The following GPHN variants were observed in gnomAD, a reference collection of about 807,000 sequenced individuals.
GPHN encodes the protein gephyrin.
In GPHN, 17 loss-of-function variants were observed where a neutral mutation model predicts 95.5. The ratio of observed to expected loss-of-function variants is 0.18; its 90% CI spans 0.12 to 0.27. The LOEUF (loss-of-function observed/expected upper bound fraction) is 0.27, where lower values mean the gene tolerates loss of function less well. Ranked by LOEUF, GPHN falls within the 10% of genes least tolerant of loss-of-function variation. GPHN has a pLI of 1.00. For missense variants in GPHN, 660 were observed against 978.1 expected, an observed-to-expected ratio of 0.67 and a Z score of 4.34; for synonymous variants, 320 against 322.5, an observed-to-expected ratio of 0.99 and a Z score of 0.08.
the GPHN span, among the ~76,000 whole-genome samples, chr14:67,275,367 A>G: frequency 6.6e-6 from 1 of 152,154 alleles, no homozygotes; most frequent in Non-Finnish European, 1.5e-5. Context: ...TTCTGCATCT[A>G]TTGAGATAAT....
intron 1 of GPHN, among the ~76,000 whole-genome samples, chr14:66,676,672 ATTT>A (rs56906168): frequency 3.2e-5 from 4 of 126,054 alleles, no homozygotes; most frequent in African/African-American, 6.0e-5. Context: ...ATCGTAGTGT[ATTT>A]TTTTTTTTTT....
intron 1 of GPHN, among the ~76,000 whole-genome samples, chr14:66,559,125 A>T (rs914697320): frequency 1.3e-5 from 2 of 152,112 alleles, no homozygotes; most frequent in Admixed American, 1.3e-4. Context: ...CATTTTCTTA[A>T]TTCAGTCTAT....
intron 2 of GPHN, among the ~76,000 whole-genome samples, chr14:66,699,483 G>A (rs1595597124): frequency 6.6e-6 from 1 of 152,074 alleles, no homozygotes; most frequent in Non-Finnish European, 1.5e-5. Context: ...ATAGTGACTC[G>A]ATGTTGATAA....
chr14:66,742,207 T>G (rs2072852754), intron 2 of GPHN, among the ~76,000 whole-genome samples: 1 of 152,200 alleles, frequency 6.6e-6, no homozygotes, highest in South Asian at 2.1e-4. Context: ...TGAGTCTCAT[T>G]GTTTACAGTT....
chr14:66,660,566 A>G (rs1452474949), intron 1 of GPHN, among the ~76,000 whole-genome samples: 1 of 151,838 alleles, frequency 6.6e-6, no homozygotes, highest in African/African-American at 2.4e-5. Flanking sequence ...TCTGAAGAGT[A>G]TTTTTACTGG....
chr14:67,562,778 C>T, the GPHN span: 2 of 1,613,740 alleles, frequency 1.2e-6, no homozygotes, highest in Non-Finnish European at 8.5e-7. Context: ...GGAGGAGCCA[C>T]CCCCAGCAGG....
intron 10 of GPHN, among the ~76,000 whole-genome samples, chr14:67,028,150 A>G (rs2074018265): frequency 6.6e-6 from 1 of 152,120 alleles, no homozygotes; most frequent in Non-Finnish European, 1.5e-5. Flanking sequence ...TGCCTATCTT[A>G]CTTTCACTTA....
chr14:67,036,540 C>CACACACACACACACACACACAG (rs946760546), intron 10 of GPHN, among the ~76,000 whole-genome samples: 2 of 148,222 alleles, frequency 1.3e-5, no homozygotes, highest in African/African-American at 5.0e-5. Flanking sequence ...CACACACACA[C>CACACACACACACACACACACAG]AGAGAAACAC....
chr14:67,589,089 T>C, the GPHN span: 1 of 152,878 alleles, frequency 6.5e-6, no homozygotes, highest in African/African-American at 2.4e-5. Context: ...GCTCTGGTTT[T>C]ATAATATCTT....
chr14:66,985,692 G>T, intron 9 of GPHN: 2 of 1,529,730 alleles, frequency 1.3e-6, no homozygotes, highest in East Asian at 2.4e-5. Flanking sequence ...CAAATTAGAC[G>T]GCCGGATGAA....
the GPHN span, among the ~76,000 whole-genome samples, chr14:67,226,014 A>G: frequency 6.6e-6 from 1 of 151,002 alleles, no homozygotes; most frequent in African/African-American, 2.4e-5. Context: ...CTGAGTTCAC[A>G]GTATTGAAGG....
the GPHN span, chr14:67,559,469 T>C: frequency 1.6e-6 from 1 of 619,144 alleles, no homozygotes; most frequent in Admixed American, 2.8e-5. Flanking sequence ...TCAAATAATA[T>C]TTCAACAAAC....
chr14:66,629,466 A>C (rs2063699269), intron 1 of GPHN, among the ~76,000 whole-genome samples: 1 of 151,812 alleles, frequency 6.6e-6, no homozygotes, highest in Non-Finnish European at 1.5e-5. Context: ...CTTTTTCTGA[A>C]ATACTGCCTG....
At chr14:66,636,336 A>G (rs1376343899) in intron 1 of GPHN, among the ~76,000 whole-genome samples, 2 of 152,204 alleles carry the variant, frequency 1.3e-5, no homozygotes, top group East Asian at 3.9e-4. Flanking sequence ...ATTGGTAGCC[A>G]TAAAAAATAC....
intron 4 of GPHN, among the ~76,000 whole-genome samples, chr14:66,869,689 T>G (rs1450627718): frequency 6.6e-6 from 1 of 152,218 alleles, no homozygotes; most frequent in East Asian, 1.9e-4. Flanking sequence ...TGTGCAGAAC[T>G]GCAAGGATGT....
chr14:67,149,197 A>G (rs1465737330), intron 18 of GPHN, among the ~76,000 whole-genome samples: 2 of 151,568 alleles, frequency 1.3e-5, no homozygotes, highest in East Asian at 3.9e-4. Flanking sequence ...TACAAAAATT[A>G]GCTGGGCGTG....
intron 1 of GPHN, among the ~76,000 whole-genome samples, chr14:66,647,857 A>C (rs980817197): frequency 1.3e-5 from 2 of 152,196 alleles, no homozygotes; most frequent in African/African-American, 4.8e-5. Context: ...AAAATATTCA[A>C]ATGTTAAAAC....
intron 1 of GPHN, among the ~76,000 whole-genome samples, chr14:66,568,896 T>A (rs903157556): frequency 6.6e-6 from 1 of 152,184 alleles, no homozygotes; most frequent in East Asian, 1.9e-4. Context: ...GTCCATCATT[T>A]CTTAAGTTCA....
chr14:66,929,294 A>G (rs767850533), intron 8 of GPHN, among the ~76,000 whole-genome samples: 7 of 151,776 alleles, frequency 4.6e-5, no homozygotes, highest in Non-Finnish European at 1.0e-4. Flanking sequence ...ACCTCAAGCG[A>G]TCCGCCTCCC....
Sources: allele counts gnomAD v4.1 joint callset (sites outside exome capture counted in the v4.1 genomes callset), GRCh38; gene constraint gnomAD v4.1.1; transcripts MANE v1.5; gene names NCBI Gene and HGNC (gene_info 2026-07-23, HGNC 2026-07-21).